The following DUOX1 variants were observed in gnomAD, a reference collection of about 807,000 sequenced individuals.
DUOX1 encodes the protein NADPH thyroid oxidase 1.
A neutral mutation model predicts 181.8 loss-of-function variants in DUOX1; 134 were observed. The observed-to-expected ratio is 0.74, with a 90% CI of 0.64 to 0.85. DUOX1 has a LOEUF of 0.85. DUOX1 is among the 40% of genes least tolerant of loss of function. The pLI, the probability that DUOX1 is intolerant of heterozygous loss-of-function variation, is 0.00. For missense variants in DUOX1, 1,814 were observed against 2,064.4 expected, an observed-to-expected ratio of 0.88 and a Z score of 2.35; for synonymous variants, 798 against 832.5, an observed-to-expected ratio of 0.96 and a Z score of 0.71.
At position 45,164,950 on chromosome 15, in the gene DUOX1, G is replaced by C; in HGVS notation, c.*49G>C. On this transcript the variant is annotated 3_prime_UTR_variant, in exon 34 of 34. Coordinates refer to ENST00000389037, the MANE Select transcript of DUOX1 (RefSeq NM_175940.3). ...ACTGCCCAGTTGAGCAGAGGTTTGA[G>C]CCCACACCTCACCTCTGTTCTTCCT... 1 of 1,596,000 alleles carries C rather than the reference G, an allele frequency of 6.3e-7. No homozygotes were observed. The highest frequency in any genetic ancestry group is 8.6e-7 in the Non-Finnish European group (1 of 1,164,594).
In DUOX1 at chr15:45,135,556, C is replaced by A. The variant is rs774135825; in HGVS notation, c.578C>A (p.Ser193Tyr). Residue 193 changes from serine to tyrosine, a missense_variant, in exon 6 of 34, where the codon TCC becomes TAC. Transcript: ENST00000389037. ...HSWSDALRSF[S>Y]RGQLASGPDP... is the part of the protein sequence containing the mutation. ...TGGAGCGACGCGCTGCGGAGCTTCT[C>A]CAGGGGACAGCTGGCGTCGGGGCCC... The A allele has an allele frequency of 3.8e-6, 6 of 1,559,932 alleles. No homozygotes were observed. Among genetic ancestry groups the A allele is most frequent in the Non-Finnish European group, 5.2e-6 (6 of 1,153,264 alleles).
intron 15 of DUOX1, among the ~76,000 whole-genome samples, chr15:45,142,337 G>T (rs1460093824): frequency 6.6e-6 from 1 of 152,202 alleles, no homozygotes; most frequent in Non-Finnish European, 1.5e-5. Flanking sequence ...TGCCCCCAGG[G>T]CCCAGCATTG....
rs371937236 is a variant in DUOX1, at chr15:45,134,151, G to A, written c.149G>A (p.Arg50Gln). ...MEHRWGSKGS[R>Q]LQRLVPASYA... ...CTTACCCCTCCTACCCCAGGCTCCCGGCTGCAGCGCCTGGTCCCAGCCAGC... is the reference window on the plus strand; with the variant it reads ...CTTACCCCTCCTACCCCAGGCTCCCAGCTGCAGCGCCTGGTCCCAGCCAGC... Residue 50 changes from arginine (R) to glutamine (Q), a missense_variant, in exon 4 of 34, where the codon CGG becomes CAG. Physicochemically the swap from Arg to Gln is conservative, Grantham distance 43 (BLOSUM62 1). Transcript: ENST00000389037. 48 of 1,553,218 alleles carry A rather than the reference G, an allele frequency of 3.1e-5. No individual in the cohort carries two copies. Among genetic ancestry groups the A allele is most frequent in the Middle Eastern group, 3.5e-4 (2 of 5,738 alleles).
intron 4 of DUOX1, 34 bp downstream of exon 4, chr15:45,134,343 T>C: frequency 6.4e-7 from 1 of 1,558,498 alleles, no homozygotes; most frequent in Non-Finnish European, 8.6e-7. Flanking sequence ...AGGAAGCCGG[T>C]GGGGTCGGCT....
chr15:45,131,825 C>G, intron 1 of DUOX1, 93 bp from the exon 2 acceptor site: 2 of 890,366 alleles, frequency 2.2e-6, no homozygotes, highest in Non-Finnish European at 3.6e-6. Context: ...TGACCTTGGC[C>G]CAGCCCCAGG....
chr15:45,135,585 C>T lies in DUOX1; in HGVS notation c.607C>T (p.Pro203Ser), dbSNP rs779160738. 21 of 1,562,938 alleles carry T rather than the reference C, an allele frequency of 1.3e-5. No individual in the cohort carries two copies. Among genetic ancestry groups the T allele is most frequent in the Admixed American group, 3.8e-5 (2 of 52,780 alleles). ...SRGQLASGPD[P>S]AFPRDSQNPL... ...GGGACAGCTGGCGTCGGGGCCCGAC[C>T]CCGCTTTTCCCCGAGACTCGCAGAA... is the stretch of plus-strand genomic sequence containing the variant. Residue 203 changes from proline (P) to serine (S), a missense_variant, in exon 6 of 34, where the codon CCC becomes TCC. Physicochemically the swap from Pro to Ser is moderately conservative, Grantham distance 74. Coordinates refer to ENST00000389037, the MANE Select transcript of DUOX1 (RefSeq NM_175940.3).
chr15:45,156,618 A>C (rs1896975901), intron 28 of DUOX1, among the ~76,000 whole-genome samples: 1 of 152,116 alleles, frequency 6.6e-6, no homozygotes, highest in South Asian at 2.1e-4. Context: ...TCTTTAGTAG[A>C]GACAGGGTTT....
intron 15 of DUOX1, among the ~76,000 whole-genome samples, chr15:45,142,972 T>C (rs1896546959): frequency 6.6e-6 from 1 of 151,842 alleles, no homozygotes; most frequent in African/African-American, 2.4e-5. Flanking sequence ...AGTGGTGGAA[T>C]CTGAGGAGGA....
At chr15:45,135,443 G>A (rs924630764) in intron 5 of DUOX1, 31 bp from the exon 6 acceptor site, 5 of 1,540,316 alleles carry the variant, frequency 3.2e-6, no homozygotes, top group Non-Finnish European at 4.4e-6. Flanking sequence ...GCCGCCCATC[G>A]ACCCGGGCTC....
chr15:45,153,778 T>A, intron 26 of DUOX1, 173 bp from the exon 27 acceptor site: 1 of 656,068 alleles, frequency 1.5e-6, no homozygotes, highest in Non-Finnish European at 2.7e-6. Context: ...TCCCAGCTAC[T>A]GGGGAGGCTG....
At chr15:45,142,584 G>A (rs920777441) in intron 15 of DUOX1, among the ~76,000 whole-genome samples, 2 of 152,120 alleles carry the variant, frequency 1.3e-5, no homozygotes, top group Admixed American at 6.5e-5. Flanking sequence ...AATTAGCCGG[G>A]CATGGTGGCG....
At chr15:45,134,555 AAGGGGC>A (rs1339627254) in intron 4 of DUOX1, among the ~76,000 whole-genome samples, 2 of 152,136 alleles carry the variant, frequency 1.3e-5, no homozygotes, top group Admixed American at 6.5e-5. Flanking sequence ...GGTTAGGGAA[AAGGGGC>A]ATCCCTCCTC....
At chr15:45,149,709 A>G (rs1896756215) in intron 21 of DUOX1, among the ~76,000 whole-genome samples, 1 of 152,154 alleles carries the variant, frequency 6.6e-6, no homozygotes, top group African/African-American at 2.4e-5. Context: ...AAAATTACCC[A>G]GGTGTGGTGG....
At chr15:45,140,697 G>A (rs533399926) in intron 12 of DUOX1, 198 bp from the exon 13 acceptor site, 1 of 521,658 alleles carries the variant, frequency 1.9e-6, no homozygotes, top group Non-Finnish European at 3.3e-6. Context: ...GAATGTGTGA[G>A]AGGGTTCCCA....
In DUOX1 at chr15:45,160,902, A is replaced by G. The variant is rs1272327245; in HGVS notation, c.3768A>G (p.Pro1256=). 1.2e-6 allele frequency: 2 copies of G among 1,613,948 alleles called. No homozygotes were observed. Among genetic ancestry groups the G allele is most frequent in the South Asian group, 2.2e-5 (2 of 91,058 alleles). The stretch of plus-strand genomic sequence containing the variant: ...GTTTCCACATCTTCTTCCTGGTCCC[A>G]GCAATCATCTATGGGGGCGACAAGC... ...LPRFHIFFLV[P]AIIYGGDKLV... is the part of the protein sequence containing the mutation. Residue 1256 remains proline (P), a synonymous_variant, in exon 29 of 34, where the codon CCA becomes CCG. Coordinates refer to ENST00000389037, the MANE Select transcript of DUOX1 (RefSeq NM_175940.3).
chr15:45,158,384 C>T (rs996203091), intron 28 of DUOX1, among the ~76,000 whole-genome samples: 8 of 151,980 alleles, frequency 5.3e-5, no homozygotes, highest in African/African-American at 1.7e-4. Context: ...GGGAAGGGAA[C>T]GCCTGAATGG....
chr15:45,132,134 A>C (rs1438884871), intron 2 of DUOX1, 110 bp downstream of exon 2: 2 of 948,784 alleles, frequency 2.1e-6, no homozygotes, highest in Non-Finnish European at 3.2e-6. Flanking sequence ...TTTAGTCTCT[A>C]GCTGACACAG....
intron 2 of DUOX1, among the ~76,000 whole-genome samples, chr15:45,132,889 G>C (rs111252315): frequency 1.1e-5 from 1 of 93,056 alleles, no homozygotes; most frequent in African/African-American, 3.6e-5. Context: ...CACATGTGTG[G>C]CCCTGCCCAA....
At position 45,142,581 on chromosome 15, in the gene DUOX1, C is replaced by T. The variant is rs147806551; in HGVS notation, c.1822+469C>T. ...TCTCTCCTAAAAATACAAAATTAGC[C>T]GGGCATGGTGGCGCATGCCTGTAAT... On this transcript the variant is annotated intron_variant, in intron 15 of 33. Coordinates refer to ENST00000389037, the MANE Select transcript of DUOX1 (RefSeq NM_175940.3). 7.7e-3 allele frequency among the ~76,000 whole-genome samples: 1,174 copies of T among 151,966 alleles called. 13 individuals are homozygous for T. The highest frequency in any genetic ancestry group is 0.026 in the African/African-American group (1,088 of 41,404).
Sources: allele counts gnomAD v4.1 joint callset (sites outside exome capture counted in the v4.1 genomes callset), GRCh38; gene constraint gnomAD v4.1.1; transcripts MANE v1.5; gene names NCBI Gene and HGNC (gene_info 2026-07-23, HGNC 2026-07-21).